ERBB4: variants seen among roughly 807,000 people sequenced by gnomAD.
ERBB4 encodes the protein erb-b2 receptor tyrosine kinase 4, also known as receptor tyrosine-protein kinase erbB-4.
ERBB4 carries 42 observed loss-of-function variants against 158.0 expected under a neutral mutation model. The observed-to-expected ratio is 0.27, with a 90% CI of 0.21 to 0.34. ERBB4 has a LOEUF of 0.34. ERBB4 is among the 10% of genes least tolerant of loss of function. ERBB4 has a pLI of 1.00. For missense variants in ERBB4, 1,333 were observed against 1,624.1 expected (o/e 0.82, Z 3.08); for synonymous variants, 583 against 558.7 (o/e 1.04, Z -0.61).
intron 1 of ERBB4, among the ~76,000 whole-genome samples, chr2:212,293,433 A>T (rs926349468): frequency 6.6e-6 from 1 of 152,092 alleles, no homozygotes; most frequent in African/African-American, 2.4e-5. Context: ...ATCACCTTCT[A>T]AAAAACTTCA....
At chr2:211,477,082 A>T (rs185896039) in intron 20 of ERBB4, among the ~76,000 whole-genome samples, 1 of 152,216 alleles carries the variant, frequency 6.6e-6, no homozygotes, top group East Asian at 1.9e-4. Flanking sequence ...GACTTTAACT[A>T]AGCAGATTAC....
chr2:211,895,587 C>A (rs942275259), intron 3 of ERBB4, among the ~76,000 whole-genome samples: 1 of 152,036 alleles, frequency 6.6e-6, no homozygotes, highest in Non-Finnish European at 1.5e-5. Context: ...ATCAATTGCT[C>A]CCCCTCTATG....
intron 3 of ERBB4, among the ~76,000 whole-genome samples, chr2:211,915,979 A>G (rs1021343226): frequency 1.3e-5 from 2 of 151,848 alleles, no homozygotes; most frequent in African/African-American, 2.4e-5. Context: ...TATACATACA[A>G]CTTTTAATAG....
intron 1 of ERBB4, among the ~76,000 whole-genome samples, chr2:212,411,924 C>A (rs2091511402): frequency 6.6e-6 from 1 of 152,156 alleles, no homozygotes; most frequent in African/African-American, 2.4e-5. Context: ...CCAGTTCCTT[C>A]CTGTAGCCCA....
intron 3 of ERBB4, among the ~76,000 whole-genome samples, chr2:211,789,047 G>A (rs773336856): frequency 1.1e-4 from 16 of 151,976 alleles, no homozygotes; most frequent in South Asian, 2.1e-4. Context: ...ATTCTCTTTC[G>A]GATAGCTTTA....
intron 5 of ERBB4, among the ~76,000 whole-genome samples, chr2:211,735,177 A>T (rs568879329): frequency 2.6e-4 from 39 of 152,008 alleles, no homozygotes; most frequent in South Asian, 2.5e-3. Context: ...ACTGATGGGA[A>T]GGCATTATTA....
intron 19 of ERBB4, among the ~76,000 whole-genome samples, chr2:211,580,896 T>C (rs1241892071): frequency 0.19 from 1,535 of 7,954 alleles, 372 homozygotes; most frequent in African/African-American, 0.55. Context: ...TATATATATA[T>C]ATATATATAT....
intron 5 of ERBB4, among the ~76,000 whole-genome samples, chr2:211,749,462 G>A (rs1370568345): frequency 2.0e-5 from 3 of 152,060 alleles, no homozygotes; most frequent in Non-Finnish European, 2.9e-5. Flanking sequence ...CACCAAAATA[G>A]CCAATAATAT....
intron 16 of ERBB4, among the ~76,000 whole-genome samples, chr2:211,656,534 A>G (rs1225627463): frequency 6.6e-6 from 1 of 152,234 alleles, no homozygotes; most frequent in Non-Finnish European, 1.5e-5. Context: ...ACAGTTCTAT[A>G]ATTTTTGATA....
Position 211,912,061 on chromosome 2 carries a change from T to TA in ERBB4, c.421+35368dup, listed in dbSNP as rs2079553846. Among the ~76,000 whole-genome samples, 4 of 152,058 alleles carry TA rather than the reference T, an allele frequency of 2.6e-5. No homozygotes were observed. The South Asian group carries it at 8.3e-4, about 32-fold the overall frequency. ...GGAGGTTTAATATGTATGCATTCCT[T>TA]AAAGTGGGGAGAAGGTACGTAGGAA... On this transcript the variant is annotated intron_variant, in intron 3 of 27. Transcript: ENST00000342788.
At chr2:212,446,822 G>A (rs2888091) in intron 1 of ERBB4, among the ~76,000 whole-genome samples, 23,139 of 149,328 alleles carry the variant, frequency 0.15, 2,336 homozygotes, top group Non-Finnish European at 0.23. Context: ...AGGTAAAGCT[G>A]AAGTTCAAAT....
chr2:211,931,923 C>T (rs771953199), intron 3 of ERBB4, among the ~76,000 whole-genome samples: 1 of 152,052 alleles, frequency 6.6e-6, no homozygotes, highest in Non-Finnish European at 1.5e-5. Flanking sequence ...AAACACTATG[C>T]TAGGCAGTTT....
At chr2:211,836,689 A>G (rs2077350360) in intron 3 of ERBB4, among the ~76,000 whole-genome samples, 1 of 152,078 alleles carries the variant, frequency 6.6e-6, no homozygotes. Context: ...ACAAGGGCCA[A>G]TCTTGCAAGC....
chr2:212,015,039 AAAATATATATATATATATATAT>A (rs2076480028), intron 2 of ERBB4, among the ~76,000 whole-genome samples: 1 of 14,436 alleles, frequency 6.9e-5, no homozygotes, highest in African/African-American at 1.4e-4. Context: ...AAAAAAAAAA[AAAATATATATATATATATATAT>A]ATATATATAT....
chr2:212,192,574 A>G (rs2082306011), intron 1 of ERBB4, among the ~76,000 whole-genome samples: 1 of 152,138 alleles, frequency 6.6e-6, no homozygotes, highest in Non-Finnish European at 1.5e-5. Context: ...GGAAAAAAGG[A>G]CAAATAGAAA....
At chr2:211,540,476 T>C (rs1218877289) in intron 20 of ERBB4, among the ~76,000 whole-genome samples, 1 of 151,936 alleles carries the variant, frequency 6.6e-6, no homozygotes, top group Non-Finnish European at 1.5e-5. Context: ...AGCTGGATAA[T>C]ATTTAAGAAG....
At chr2:211,996,030 G>C (rs1208050117) in intron 2 of ERBB4, among the ~76,000 whole-genome samples, 1 of 152,072 alleles carries the variant, frequency 6.6e-6, no homozygotes, top group Non-Finnish European at 1.5e-5. Flanking sequence ...CTGTACACCA[G>C]GTATAACATG....
chr2:212,465,585 C>T (rs1688790666), intron 1 of ERBB4, among the ~76,000 whole-genome samples: 1 of 152,060 alleles, frequency 6.6e-6, no homozygotes, highest in Admixed American at 6.6e-5. Flanking sequence ...AAAATTGGAG[C>T]CAAATTTCAA....
At chr2:211,802,327 T>C (rs909979181) in intron 3 of ERBB4, among the ~76,000 whole-genome samples, 1 of 151,760 alleles carries the variant, frequency 6.6e-6, no homozygotes, top group Non-Finnish European at 1.5e-5. Flanking sequence ...GTACCAATAG[T>C]GTCCTCAGTT....
Sources: gnomAD v4.1 joint callset for allele counts (sites outside exome capture counted in the v4.1 genomes callset) on GRCh38, gnomAD v4.1.1 for gene constraint, MANE v1.5 for transcripts, NCBI Gene and HGNC (gene_info 2026-07-23, HGNC 2026-07-21) for gene names.